Variants in SLC29A3 observed in about 807,000 individuals in gnomAD.
The protein encoded by SLC29A3 is equilibrative nucleoside transporter 3.
SLC29A3 carries 18 observed loss-of-function variants against 25.4 expected under a neutral mutation model. That is an observed-to-expected ratio of 0.71 (90% CI 0.49 to 1.05). The LOEUF (loss-of-function observed/expected upper bound fraction) is 1.05, where lower values mean the gene tolerates loss of function less well. Among genes scored for constraint, SLC29A3 ranks in the 50% least tolerant of loss-of-function variants. SLC29A3 has a pLI of 0.00. For missense variants in SLC29A3, 586 were observed against 609.0 expected (o/e 0.96, Z 0.40); for synonymous variants, 258 against 267.1 (o/e 0.97, Z 0.33).
At chr10:71,329,434 G>T (rs1397754195) in intron 2 of SLC29A3, among the ~76,000 whole-genome samples, 3 of 137,732 alleles carry the variant, frequency 2.2e-5, no homozygotes, top group Non-Finnish European at 4.5e-5. Context: ...CTCCAGCCTG[G>T]GCAACAGAGC....
At chr10:71,350,482 A>G (rs1846725618) in intron 3 of SLC29A3, among the ~76,000 whole-genome samples, 3 of 152,156 alleles carry the variant, frequency 2.0e-5, no homozygotes, top group African/African-American at 7.2e-5. Context: ...AGCTTAGTCT[A>G]ATCTGATGAT....
At chr10:71,330,230 A>G (rs2131806894) in intron 2 of SLC29A3, among the ~76,000 whole-genome samples, 2 of 152,180 alleles carry the variant, frequency 1.3e-5, no homozygotes, top group Middle Eastern at 6.8e-3. Context: ...CTTCCTTCCA[A>G]TTTCCCAGGC....
At chr10:71,365,233 AAAAGAAAAAAAG>A (rs1388682104), downstream of SLC29A3, 2 of 152,272 alleles carry the variant, frequency 1.3e-5, no homozygotes, top group South Asian at 2.1e-4. Context: ...CTCCGTCTCA[AAAAGAAAAAAAG>A]AAAGAAAAAG....
At chr10:71,366,853 TA>T (rs1847174580), downstream of SLC29A3, among the ~76,000 whole-genome samples, 1 of 152,074 alleles carries the variant, frequency 6.6e-6, no homozygotes, top group African/African-American at 2.4e-5. Context: ...TGAGTGGGAG[TA>T]CCTCGTGCCT....
At chr10:71,355,381 AAGG>A (rs1446527868) in intron 4 of SLC29A3, among the ~76,000 whole-genome samples, 3 of 152,220 alleles carry the variant, frequency 2.0e-5, no homozygotes, top group Non-Finnish European at 2.9e-5. Context: ...AGCCATTGGC[AAGG>A]AGAACATTCC....
At chr10:71,355,500 C>T (rs1009933852) in intron 4 of SLC29A3, among the ~76,000 whole-genome samples, 2 of 152,178 alleles carry the variant, frequency 1.3e-5, no homozygotes, top group Non-Finnish European at 2.9e-5. Context: ...GTGCCACAGC[C>T]GCCTTGGGGT....
At chr10:71,333,255 G>A (rs976644460) in intron 2 of SLC29A3, among the ~76,000 whole-genome samples, 20 of 152,248 alleles carry the variant, frequency 1.3e-4, no homozygotes, top group African/African-American at 4.3e-4. Context: ...TCACTGCCTG[G>A]GAGGACTGTG....
At chr10:71,375,737 G>C (rs1337562113) in exon 4 of SLC29A3, 2 of 152,178 alleles carry the variant, frequency 1.3e-5, no homozygotes, top group East Asian at 3.8e-4. Flanking sequence ...AAACCCCAGA[G>C]TGGTATAAGC....
chr10:71,329,457 C>CGGAA (rs3059614), intron 2 of SLC29A3, among the ~76,000 whole-genome samples: 1 of 120,480 alleles, frequency 8.3e-6, no homozygotes. Flanking sequence ...GACTCTGTCT[C>CGGAA]AAAAAAAAAA....
At chr10:71,370,000 G>A (rs942806271) in intron 3 of SLC29A3, among the ~76,000 whole-genome samples, 7 of 152,222 alleles carry the variant, frequency 4.6e-5, no homozygotes, top group African/African-American at 1.7e-4. Context: ...GAGAAGCAGA[G>A]TCAGGATGAA....
chr10:71,333,431 A>G (rs1846167649), intron 2 of SLC29A3, among the ~76,000 whole-genome samples: 1 of 152,212 alleles, frequency 6.6e-6, no homozygotes, highest in Non-Finnish European at 1.5e-5. Flanking sequence ...TGCACCTCCA[A>G]AGAGAAACAG....
chr10:71,365,822 T>C (rs1211887153), downstream of SLC29A3: 3 of 152,076 alleles, frequency 2.0e-5, no homozygotes, highest in Non-Finnish European at 4.4e-5. Context: ...CCAGCTCATA[T>C]GTTTGGAGGG....
chr10:71,320,881 A>T (rs1011516413), intron 1 of SLC29A3, among the ~76,000 whole-genome samples: 1 of 152,206 alleles, frequency 6.6e-6, no homozygotes, highest in African/African-American at 2.4e-5. Flanking sequence ...GAACCAGCAG[A>T]CACAGATTCC....
intron 1 of SLC29A3, among the ~76,000 whole-genome samples, chr10:71,322,013 A>G (rs1052169787): frequency 6.6e-6 from 1 of 152,174 alleles, no homozygotes; most frequent in African/African-American, 2.4e-5. Flanking sequence ...TTAAACAATT[A>G]TTACTTAATT....
chr10:71,370,039 C>T (rs188029654), intron 3 of SLC29A3, among the ~76,000 whole-genome samples: 18 of 152,264 alleles, frequency 1.2e-4, no homozygotes, highest in African/African-American at 4.3e-4. Flanking sequence ...CAGGGGCCAC[C>T]CAGCCTGCCC....
At chr10:71,375,730 C>T (rs1321231698) in exon 4 of SLC29A3, 1 of 152,178 alleles carries the variant, frequency 6.6e-6, no homozygotes, top group Non-Finnish European at 1.5e-5. Flanking sequence ...AATCCCCAAA[C>T]CCCAGAGTGG....
At chr10:71,320,477 G>T (rs1432790479) in intron 1 of SLC29A3, among the ~76,000 whole-genome samples, 5 of 114,144 alleles carry the variant, frequency 4.4e-5, no homozygotes, top group African/African-American at 8.5e-5. Flanking sequence ...TCTGATGAGG[G>T]CTCTCTTCCT....
At chr10:71,337,992 C>T (rs933563966) in intron 2 of SLC29A3, among the ~76,000 whole-genome samples, 1 of 152,238 alleles carries the variant, frequency 6.6e-6, no homozygotes, top group Non-Finnish European at 1.5e-5. Flanking sequence ...CTCACCATAG[C>T]GAGCAACTCA....
chr10:71,373,484 C>A (rs1277280617), intron 3 of SLC29A3, among the ~76,000 whole-genome samples: 1 of 152,154 alleles, frequency 6.6e-6, no homozygotes, highest in African/African-American at 2.4e-5. Context: ...GGAGTCAGGA[C>A]ACAGGGCTTG....
Sources: gnomAD v4.1 joint callset for allele counts (sites outside exome capture counted in the v4.1 genomes callset) on GRCh38, gnomAD v4.1.1 for gene constraint, MANE v1.5 for transcripts, NCBI Gene and HGNC (gene_info 2026-07-23, HGNC 2026-07-21) for gene names.